The following NKAIN3 variants were observed in gnomAD, a reference collection of about 807,000 sequenced individuals.
The protein encoded by NKAIN3 is sodium/potassium transporting ATPase interacting 3.
Under a neutral mutation model 30.2 loss-of-function variants are expected in NKAIN3, and 25 were observed. That is an observed-to-expected ratio of 0.83 (90% CI 0.60 to 1.16). The LOEUF (loss-of-function observed/expected upper bound fraction) is 1.16. Ranked by LOEUF, NKAIN3 falls within the 50% of genes most tolerant of loss-of-function variation. NKAIN3 has a pLI of 0.00. For missense variants in NKAIN3, 225 were observed against 254.1 expected (o/e 0.89, Z 0.78); for synonymous variants, 91 against 89.6 (o/e 1.02, Z -0.09).
intron 4 of NKAIN3, among the ~76,000 whole-genome samples, chr8:62,789,965 G>T (rs1490518600): frequency 2.0e-5 from 3 of 152,046 alleles, no homozygotes; most frequent in African/African-American, 4.8e-5. Flanking sequence ...CATTTTATGA[G>T]GCCAGCATCA....
intron 4 of NKAIN3, among the ~76,000 whole-genome samples, chr8:62,888,363 T>C (rs1821206121): frequency 6.6e-6 from 1 of 152,208 alleles, no homozygotes; most frequent in South Asian, 2.1e-4. Context: ...GAGAACTTGG[T>C]GGAGCTCCTG....
At chr8:62,765,254 AAAAAAAAAAAAAG>A (rs903454273) in intron 4 of NKAIN3, among the ~76,000 whole-genome samples, 2 of 146,536 alleles carry the variant, frequency 1.4e-5, no homozygotes, top group Non-Finnish European at 3.0e-5. Flanking sequence ...CTCAAAAAAA[AAAAAAAAAAAAAG>A]AAAAGAAAAG....
intron 3 of NKAIN3, among the ~76,000 whole-genome samples, chr8:62,711,980 G>T (rs770856950): frequency 1.3e-5 from 2 of 152,184 alleles, no homozygotes; most frequent in African/African-American, 4.8e-5. Context: ...GGCTTCCTGT[G>T]AGCTGAAATG....
At chr8:62,940,251 C>T (rs1822913157) in intron 5 of NKAIN3, among the ~76,000 whole-genome samples, 1 of 151,730 alleles carries the variant, frequency 6.6e-6, no homozygotes, top group Non-Finnish European at 1.5e-5. Flanking sequence ...AACACTTGAG[C>T]TCCCAAATTT....
At chr8:62,987,865 G>C (rs537346033), downstream of NKAIN3, among the ~76,000 whole-genome samples, 2 of 152,212 alleles carry the variant, frequency 1.3e-5, no homozygotes, top group Non-Finnish European at 2.9e-5. Flanking sequence ...CAACTCCAGA[G>C]TCTCATCTGA....
chr8:62,837,129 A>G (rs1381063655), intron 4 of NKAIN3, among the ~76,000 whole-genome samples: 4 of 152,144 alleles, frequency 2.6e-5, no homozygotes, highest in South Asian at 2.1e-4. Flanking sequence ...AACCTTGTAA[A>G]TGACATTGTG....
intron 3 of NKAIN3, among the ~76,000 whole-genome samples, chr8:62,707,865 G>A (rs949280059): frequency 6.6e-6 from 1 of 152,080 alleles, no homozygotes. Context: ...TCAGGTCTTA[G>A]GTTTAAGTCC....
At chr8:62,959,250 T>G (rs534096929) in intron 6 of NKAIN3, among the ~76,000 whole-genome samples, 1 of 152,068 alleles carries the variant, frequency 6.6e-6, no homozygotes, top group Non-Finnish European at 1.5e-5. Context: ...TCTCTGACAA[T>G]CCGGGTACAC....
At position 62,360,491 on chromosome 8, in the gene NKAIN3, C is replaced by T. The variant is rs563932504; in HGVS notation, c.54+111364C>T. ...AAGTAGCTAACATGTTTAGAATGTGCCAGGCAGTGTTCTAATAGCCTAACA... is the reference window on the plus strand; with the variant it reads ...AAGTAGCTAACATGTTTAGAATGTGTCAGGCAGTGTTCTAATAGCCTAACA... On this transcript the variant is annotated intron_variant, in intron 1 of 6. Coordinates refer to ENST00000623646, the MANE Select transcript of NKAIN3 (RefSeq NM_001304533.3). Among the ~76,000 whole-genome samples the T allele has an allele frequency of 4.6e-5, 7 of 152,196 alleles. No homozygotes were observed. The South Asian group carries it at 6.2e-4, about 14-fold the overall frequency.
chr8:62,371,545 C>T (rs182133486), intron 1 of NKAIN3, among the ~76,000 whole-genome samples: 195 of 151,914 alleles, frequency 1.3e-3, no homozygotes, highest in African/African-American at 4.2e-3. Context: ...TCCCTGTATC[C>T]AGTTCCTTGA....
downstream of NKAIN3, among the ~76,000 whole-genome samples, chr8:62,988,338 G>A (rs2130931017): frequency 6.6e-6 from 1 of 152,372 alleles, no homozygotes; most frequent in African/African-American, 2.4e-5. Flanking sequence ...TTGTGTGAGG[G>A]CTCCAACCCC....
chr8:62,834,069 A>G (rs1819281900), intron 4 of NKAIN3, among the ~76,000 whole-genome samples: 1 of 152,168 alleles, frequency 6.6e-6, no homozygotes, highest in African/African-American at 2.4e-5. Context: ...AATGAAAAAC[A>G]AAAATCAAAT....
chr8:62,864,126 G>A (rs1019335444), intron 4 of NKAIN3: 10 of 619,018 alleles, frequency 1.6e-5, no homozygotes, highest in African/African-American at 9.3e-5. Flanking sequence ...CGGAGGTGAT[G>A]GCGACGCGAG....
intron 2 of NKAIN3, among the ~76,000 whole-genome samples, chr8:62,580,057 C>T (rs1810243147): frequency 6.6e-6 from 1 of 152,150 alleles, no homozygotes; most frequent in Non-Finnish European, 1.5e-5. Context: ...ACATTTGTCA[C>T]TAACTCCAAA....
chr8:62,583,707 A>ACAGATGATAAT (rs1810373684), intron 2 of NKAIN3, among the ~76,000 whole-genome samples: 5 of 152,188 alleles, frequency 3.3e-5, no homozygotes, highest in Non-Finnish European at 5.9e-5. Context: ...TTTCACTGGC[A>ACAGATGATAAT]GATTCCAGAT....
In NKAIN3 at chr8:62,974,274, T is replaced by C. The variant is rs1362324887; in HGVS notation, c.*8867T>C. On this transcript the variant is annotated 3_prime_UTR_variant, in exon 7 of 7. Transcript: ENST00000623646. The stretch of plus-strand genomic sequence containing the variant: ...TTGGGCAGTATGGCCATTTTTACAA[T>C]ATTGATTCTTCCTATCCATGAGCAT... Among the ~76,000 whole-genome samples the C allele has an allele frequency of 6.6e-6, 1 of 151,396 alleles. No individual in the cohort carries two copies. The highest frequency in any genetic ancestry group is 1.5e-5 in the Non-Finnish European group (1 of 67,460).
At chr8:62,849,965 T>C (rs948745413) in intron 4 of NKAIN3, among the ~76,000 whole-genome samples, 5 of 152,084 alleles carry the variant, frequency 3.3e-5, no homozygotes, top group Non-Finnish European at 7.4e-5. Context: ...TTTGGGTATA[T>C]ACCCAGTAAT....
chr8:62,502,539 T>TTCCTTC (rs3059053), intron 1 of NKAIN3, among the ~76,000 whole-genome samples: 98,952 of 150,194 alleles, frequency 0.66, 33,116 homozygotes, highest in South Asian at 0.79. Context: ...CCTTCCTCCT[T>TTCCTTC]TCCTTCTCCT....
chr8:62,534,760 C>G (rs1053821172), intron 1 of NKAIN3, among the ~76,000 whole-genome samples: 2 of 152,120 alleles, frequency 1.3e-5, no homozygotes, highest in Non-Finnish European at 2.9e-5. Flanking sequence ...TCTAGAACCA[C>G]TGGTCTAGCA....
Sources: allele counts gnomAD v4.1 joint callset (sites outside exome capture counted in the v4.1 genomes callset), GRCh38; gene constraint gnomAD v4.1.1; transcripts MANE v1.5; gene names NCBI Gene and HGNC (gene_info 2026-07-23, HGNC 2026-07-21).